The following CRYZ variants were observed in gnomAD, a reference collection of about 807,000 sequenced individuals.
CRYZ encodes zeta-crystallin.
A neutral mutation model predicts 34.1 loss-of-function variants in CRYZ; 35 were observed. That is an observed-to-expected ratio of 1.03 (90% CI 0.78 to 1.36). The LOEUF (loss-of-function observed/expected upper bound fraction) is 1.36, where lower values mean the gene tolerates loss of function less well. Ranked by LOEUF, CRYZ falls within the 40% of genes most tolerant of loss-of-function variation. The pLI is 0.00. For synonymous variants in CRYZ, 137 were observed against 136.5 expected (o/e 1.00, Z -0.03); for missense variants, 403 against 391.8 (o/e 1.03, Z -0.24).
chr1:74,711,141 C>A (rs571631788), intron 5 of CRYZ, among the ~76,000 whole-genome samples: 4 of 151,944 alleles, frequency 2.6e-5, no homozygotes, highest in Non-Finnish European at 4.4e-5. Flanking sequence ...CAGGGAGGGG[C>A]GTGTACGAAA....
chr1:74,706,978 C>A lies in CRYZ; in HGVS notation c.749G>T (p.Gly250Val), dbSNP rs753585493. The A allele has an allele frequency of 6.2e-7, 1 of 1,612,472 alleles. No individual in the cohort carries two copies. The highest frequency in any genetic ancestry group is 1.7e-5 in the Admixed American group (1 of 59,894). ...GTCTCGTGGGTTTATTTCAATAGTA[C>A]CTCTGCTGCCAACAACCTAACATGA... ...GGRVIVVGSR[G>V]TIEINPRDTM... The change falls in exon 8 of 9, where the codon GGT becomes GTT. Residue 250 changes from glycine (G) to valine (V), a missense_variant. Physicochemically the swap from Gly to Val is moderately radical, Grantham distance 109. Coordinates refer to ENST00000340866, the MANE Select transcript of CRYZ (RefSeq NM_001889.4).
At position 74,710,243 on chromosome 1, in the gene CRYZ, C is replaced by T. The variant is rs1303968426; in HGVS notation, c.485G>A (p.Gly162Glu). The change falls in exon 6 of 9, where the codon GGA becomes GAA. Residue 162 changes from glycine to glutamate, a missense_variant. By Grantham distance (98) the Gly-to-Glu change is moderately conservative. Transcript: ENST00000340866. ...VLVHGASGGV[G>E]LAACQIARAY... ...TCTAGCAATTTGGCATGCTGCTAAT[C>T]CAACCTGAAAAACAAATATAACCCA... 3 of 1,613,382 alleles carry T rather than the reference C, an allele frequency of 1.9e-6. No homozygotes were observed. The highest frequency in any genetic ancestry group is 1.3e-5 in the African/African-American group (1 of 74,832).
chr1:74,709,364 G>A (rs186249786), intron 6 of CRYZ, among the ~76,000 whole-genome samples: 5 of 152,150 alleles, frequency 3.3e-5, no homozygotes, highest in Non-Finnish European at 1.5e-5. Flanking sequence ...TTCCCCAGAC[G>A]TATAACAAAG....
intron 1 of CRYZ, among the ~76,000 whole-genome samples, chr1:74,727,748 C>A (rs78599045): frequency 0.011 from 1,746 of 151,848 alleles, 35 homozygotes; most frequent in African/African-American, 0.04. Context: ...TCCCCCAGGT[C>A]CCTCCCATGA....
At chr1:74,716,812 C>T (rs896877908) in intron 4 of CRYZ, among the ~76,000 whole-genome samples, 6 of 152,236 alleles carry the variant, frequency 3.9e-5, no homozygotes, top group East Asian at 1.9e-4. Context: ...CTCCTCTCCC[C>T]GCAGCCCCTG....
chr1:74,720,029 T>A (rs886097204), intron 3 of CRYZ, among the ~76,000 whole-genome samples: 1 of 152,042 alleles, frequency 6.6e-6, no homozygotes. Context: ...GGTGGGCATG[T>A]ATTATCTCTA....
rs1036579057 is a variant in CRYZ, at chr1:74,728,068, T to C, written c.-13-3234A>G. Reference sequence around the variant, plus strand: ...AGGGAATATAAAAATCTCAGAAACTTAGTGCTGAAAGGAAAAAGAAAATTC... The same window carrying C: ...AGGGAATATAAAAATCTCAGAAACTCAGTGCTGAAAGGAAAAAGAAAATTC... On this transcript the variant is annotated intron_variant, in intron 1 of 8. Transcript: ENST00000340866. Among the ~76,000 whole-genome samples the C allele has an allele frequency of 9.8e-5, 15 of 152,344 alleles. No individual in the cohort carries two copies. The East Asian group carries it at 1.7e-3, about 18-fold the overall frequency.
intron 1 of CRYZ, among the ~76,000 whole-genome samples, chr1:74,726,554 C>T (rs978355910): frequency 2.6e-5 from 4 of 152,166 alleles, no homozygotes; most frequent in East Asian, 1.9e-4. Flanking sequence ...GTGATGAGAG[C>T]GACTGCCGCA....
rs894251156 is a variant in CRYZ, at chr1:74,706,998, A to T, written c.733-4T>A. 6 of 1,611,506 alleles carry T rather than the reference A, an allele frequency of 3.7e-6. No individual in the cohort carries two copies. The Admixed American group carries it at 1.0e-4, about 27-fold the overall frequency. The stretch of plus-strand genomic sequence containing the variant: ...TAGTACCTCTGCTGCCAACAACCTA[A>T]CATGAAAAACAGCAATTCTACAGTT... On this transcript the variant is annotated splice_polypyrimidine_tract_variant and splice_region_variant and intron_variant, in intron 7 of 8. Coordinates refer to ENST00000340866, the MANE Select transcript of CRYZ (RefSeq NM_001889.4).
At chr1:74,722,660 A>G (rs1321011330) in intron 3 of CRYZ, among the ~76,000 whole-genome samples, 1 of 151,998 alleles carries the variant, frequency 6.6e-6, no homozygotes, top group Admixed American at 6.6e-5. Flanking sequence ...TCACTGAGTC[A>G]GGGCTCCAAA....
At position 74,732,938 on chromosome 1, in the gene CRYZ, G is replaced by T; in HGVS notation, c.-14+18C>A. On this transcript the variant is annotated intron_variant, in intron 1 of 8. Transcript: ENST00000340866. ...TTCGCTGTCTAAACAACTAAGGAGA[G>T]TTTTTAAAACCACTTACCAGAATCT... 1 of 379,010 alleles carries T rather than the reference G, an allele frequency of 2.6e-6. No individual in the cohort carries two copies. Among genetic ancestry groups the T allele is most frequent in the East Asian group, 5.4e-5 (1 of 18,546 alleles). 23.5% of individuals were successfully genotyped at this position (379,010 alleles called of 1,614,324 possible).
At chr1:74,708,674 G>T (rs1335299697) in intron 6 of CRYZ, 1 of 152,082 alleles carries the variant, frequency 6.6e-6, no homozygotes, top group African/African-American at 2.4e-5. Flanking sequence ...TGTCTTGGGC[G>T]ACCAGATGAG....
intron 6 of CRYZ, chr1:74,708,021 C>T (rs1569967063): frequency 6.6e-6 from 1 of 152,110 alleles, no homozygotes; most frequent in East Asian, 1.9e-4. Context: ...ACTGGGCCCT[C>T]AGGGATGAAT....
chr1:74,723,859 C>T (rs1647214583), intron 2 of CRYZ, among the ~76,000 whole-genome samples: 1 of 152,174 alleles, frequency 6.6e-6, no homozygotes, highest in African/African-American at 2.4e-5. Flanking sequence ...AATAATTGTC[C>T]ATGGCTGGAC....
At chr1:74,730,674 C>T (rs1164955459) in intron 1 of CRYZ, among the ~76,000 whole-genome samples, 3 of 152,178 alleles carry the variant, frequency 2.0e-5, no homozygotes, top group Admixed American at 1.3e-4. Flanking sequence ...CAGGGTCACA[C>T]AGAAGCAAAG....
chr1:74,727,411 C>T (rs1036921468), intron 1 of CRYZ, among the ~76,000 whole-genome samples: 3 of 143,354 alleles, frequency 2.1e-5, no homozygotes, highest in Admixed American at 7.1e-5. Context: ...ATCAGATCTC[C>T]GAGACCATCC....
At chr1:74,726,656 G>A (rs150243503) in intron 1 of CRYZ, among the ~76,000 whole-genome samples, 3 of 152,178 alleles carry the variant, frequency 2.0e-5, no homozygotes, top group African/African-American at 7.2e-5. Flanking sequence ...AGTTTCTGCG[G>A]CTGGCTTGAA....
Position 74,724,853 on chromosome 1 carries a change from T to G in CRYZ, c.-13-19A>C, listed in dbSNP as rs773944526. The G allele has an allele frequency of 7.2e-7, 1 of 1,384,294 alleles. No individual in the cohort carries two copies. The highest frequency in any genetic ancestry group is 1.2e-5 in the South Asian group (1 of 84,186). The allele number at this position is 1,384,294 out of a possible 1,614,324, so 85.8% of individuals were successfully genotyped here. ...CTAGATACTAAGGAAGAAAAAAAAT[T>G]AATGTATTGTCACATTGTATCTAGG... On this transcript the variant is annotated intron_variant, in intron 1 of 8. Coordinates refer to ENST00000340866, the MANE Select transcript of CRYZ (RefSeq NM_001889.4).
rs1245302121 is a variant in CRYZ at position 74,706,188 on chromosome 1, TAAG to T, written c.*105_*107del. On this transcript the variant is annotated 3_prime_UTR_variant, in exon 9 of 9. Coordinates refer to ENST00000340866, the MANE Select transcript of CRYZ (RefSeq NM_001889.4). ...TAAAGAAAAATCTTATTTTTTCACA[TAAG>T]AAGCTCATGGAATCGAATGTTAATT... is the stretch of plus-strand genomic sequence containing the variant. 3 of 981,606 alleles carry T rather than the reference TAAG, an allele frequency of 3.1e-6. No individual in the cohort carries two copies. The highest frequency in any genetic ancestry group is 4.4e-6 in the Non-Finnish European group (3 of 687,846). 60.8% of individuals were successfully genotyped at this position (981,606 alleles called of 1,614,324 possible).
Sources: gnomAD v4.1 joint callset for allele counts (sites outside exome capture counted in the v4.1 genomes callset) on GRCh38, gnomAD v4.1.1 for gene constraint, MANE v1.5 for transcripts, NCBI Gene and HGNC (gene_info 2026-07-23, HGNC 2026-07-21) for gene names.